The following CELF2 variants were observed in gnomAD, a reference collection of about 807,000 sequenced individuals.
CELF2 encodes CUGBP Elav-like family member 2.
CELF2 carries 8 observed loss-of-function variants against 62.6 expected under a neutral mutation model. The ratio of observed to expected loss-of-function variants is 0.13; its 90% CI spans 0.07 to 0.23. The LOEUF is 0.23. Ranked by LOEUF, CELF2 falls within the 10% of genes least tolerant of loss-of-function variation. CELF2 has a pLI of 1.00. For missense variants in CELF2, 333 were observed against 671.0 expected (o/e 0.50, Z 5.56); for synonymous variants, 258 against 250.0 (o/e 1.03, Z -0.30).
the CELF2 span, among the ~76,000 whole-genome samples, chr10:10,607,728 C>G: frequency 1.3e-3 from 201 of 152,296 alleles, no homozygotes; most frequent in Non-Finnish European, 2.1e-3. Flanking sequence ...CCCAAGATCA[C>G]TAAAAATGAG....
chr10:11,266,459 T>G, intron 5 of CELF2, 139 bp from the exon 6 acceptor site: 1 of 522,664 alleles, frequency 1.9e-6, no homozygotes, highest in Non-Finnish European at 3.4e-6. Flanking sequence ...GAGAGAGAAG[T>G]TGTTTTATTT....
Position 11,160,375 on chromosome 10 carries a change from T to C in CELF2, c.75-5111T>C, listed in dbSNP as rs7899473. Among the ~76,000 whole-genome samples, 1,428 of 152,310 alleles carry C rather than the reference T, an allele frequency of 9.4e-3. 19 individuals are homozygous for C. The highest frequency in any genetic ancestry group is 0.032 in the African/African-American group (1,346 of 41,558). On this transcript the variant is annotated intron_variant, in intron 1 of 12. Transcript: ENST00000633077. ...TGAGGGCCTCAAGCACTGATGGGGCTTTCCTGGCCCCATATTCTTGTGTTT... is the reference window on the plus strand; with the variant it reads ...TGAGGGCCTCAAGCACTGATGGGGCCTTCCTGGCCCCATATTCTTGTGTTT...
chr10:10,617,650 A>G, the CELF2 span, among the ~76,000 whole-genome samples: 1 of 151,860 alleles, frequency 6.6e-6, no homozygotes, highest in Non-Finnish European at 1.5e-5. Flanking sequence ...CAGCCCCCTG[A>G]CTTTCCTCCT....
rs925244444 is a variant in CELF2 at position 11,177,667 on chromosome 10, C to T, written c.271+11985C>T. Among the ~76,000 whole-genome samples, 3 of 152,290 alleles carry T rather than the reference C, an allele frequency of 2.0e-5. No homozygotes were observed. The South Asian group carries it at 6.2e-4, about 32-fold the overall frequency. On this transcript the variant is annotated intron_variant, in intron 2 of 12. Transcript: ENST00000633077. This position sits in a 1 kb window ranked among gnomAD's most constrained non-coding sequence, Gnocchi z 4.8. ...GAAATAGGGGCCTTAGTTTTTAAAT[C>T]CTCTGTAAGATAGTCAAGGCTTCTC...
chr10:11,238,419 T>G (rs1182617839), intron 3 of CELF2, among the ~76,000 whole-genome samples: 11 of 152,238 alleles, frequency 7.2e-5, no homozygotes, highest in Admixed American at 7.2e-4. Flanking sequence ...TTCTTGCTAT[T>G]AAAACATAGA....
At chr10:10,847,665 C>CGT (rs2059104885) in intron 1 of CELF2, among the ~76,000 whole-genome samples, 1 of 152,168 alleles carries the variant, frequency 6.6e-6, no homozygotes, top group Admixed American at 6.5e-5. Context: ...TATGCAAGAG[C>CGT]GTGTTCATTG....
intron 1 of CELF2, among the ~76,000 whole-genome samples, chr10:10,803,167 C>T (rs1421372331): frequency 6.6e-6 from 1 of 152,202 alleles, no homozygotes; most frequent in Non-Finnish European, 1.5e-5. Flanking sequence ...CCCTGCTTCA[C>T]TCTTGCTCTC....
intron 1 of CELF2, among the ~76,000 whole-genome samples, chr10:11,048,025 T>A (rs999119207): frequency 2.0e-5 from 3 of 152,160 alleles, no homozygotes; most frequent in Non-Finnish European, 2.9e-5. Flanking sequence ...TCTCTCCAAA[T>A]GTAAGAATTG....
chr10:10,881,177 C>T (rs1438404955), intron 1 of CELF2, among the ~76,000 whole-genome samples: 1 of 152,148 alleles, frequency 6.6e-6, no homozygotes, highest in Non-Finnish European at 1.5e-5. Context: ...CTTGGACTTG[C>T]CTGCTATGCG....
chr10:11,204,223 G>A (rs1390703818), intron 2 of CELF2, among the ~76,000 whole-genome samples: 1 of 152,196 alleles, frequency 6.6e-6, no homozygotes, highest in African/African-American at 2.4e-5. Context: ...TATTTTCTTT[G>A]TGCCAGATTC....
the CELF2 span, among the ~76,000 whole-genome samples, chr10:10,784,232 G>T: frequency 6.6e-6 from 1 of 152,204 alleles, no homozygotes. Context: ...CAGATGGGCA[G>T]GTGTAGGAGC....
At chr10:10,468,445 G>A in the CELF2 span, among the ~76,000 whole-genome samples, 1 of 151,934 alleles carries the variant, frequency 6.6e-6, no homozygotes, top group Non-Finnish European at 1.5e-5. Context: ...ATTCCTCAAA[G>A]AAATGCTTCA....
chr10:11,232,806 A>G (rs1048091999), intron 3 of CELF2, among the ~76,000 whole-genome samples: 2 of 152,208 alleles, frequency 1.3e-5, no homozygotes, highest in African/African-American at 2.4e-5. Flanking sequence ...GAAAAATGGC[A>G]GAGCATGCTG....
intron 2 of CELF2, among the ~76,000 whole-genome samples, chr10:11,167,626 T>A (rs1200888252): frequency 2.6e-5 from 4 of 152,116 alleles, no homozygotes; most frequent in African/African-American, 4.8e-5. Context: ...ATGAGCAGCA[T>A]TTTTTACCAG....
the CELF2 span, among the ~76,000 whole-genome samples, chr10:10,608,805 C>A: frequency 6.6e-6 from 1 of 152,148 alleles, no homozygotes; most frequent in African/African-American, 2.4e-5. Context: ...TGGAATTCCT[C>A]CGTCGAGAGT....
chr10:11,259,069 A>G (rs189013396), intron 5 of CELF2, among the ~76,000 whole-genome samples: 1 of 152,320 alleles, frequency 6.6e-6, no homozygotes, highest in Non-Finnish European at 1.5e-5. Context: ...TACCAGTGCA[A>G]TTTCTTTGGG....
At chr10:10,761,337 G>A in the CELF2 span, among the ~76,000 whole-genome samples, 1 of 152,194 alleles carries the variant, frequency 6.6e-6, no homozygotes, top group Non-Finnish European at 1.5e-5. Flanking sequence ...ATTATACAAT[G>A]AGTTTTTGAC....
chr10:10,752,427 AC>A, the CELF2 span, among the ~76,000 whole-genome samples: 92 of 152,194 alleles, frequency 6.0e-4, no homozygotes, highest in Non-Finnish European at 7.9e-4. Context: ...ACAGTGGCTC[AC>A]GCCTGTAATC....
rs757211454 is a variant in CELF2, at chr10:11,331,966, G to GGTTTGACTACTTTGTTC, written c.*2914_*2930dup. Reference sequence around the variant, plus strand: ...CTGCATCTATCCTCTAAGTTGTTTCGGTTTGACTACTTTGTTCTTTGGTTA... The same window carrying GGTTTGACTACTTTGTTC: ...CTGCATCTATCCTCTAAGTTGTTTCGGTTTGACTACTTTGTTCGTTTGACTACTTTGTTCTTTGGTTA... On this transcript the variant is annotated 3_prime_UTR_variant, in exon 13 of 13. Coordinates refer to ENST00000633077, the MANE Select transcript of CELF2 (RefSeq NM_001326342.2). 5.3e-5 allele frequency: 8 copies of GGTTTGACTACTTTGTTC among 152,034 alleles called. No homozygotes were observed. Among genetic ancestry groups the GGTTTGACTACTTTGTTC allele is most frequent in the Non-Finnish European group, 8.8e-5 (6 of 67,996 alleles). 9.4% of individuals were successfully genotyped at this position (152,034 alleles called of 1,614,324 possible). A position where few individuals can be genotyped will look rare whatever the true frequency, so the allele number is the denominator to read the frequency against.
Sources: gnomAD v4.1 joint callset for allele counts (sites outside exome capture counted in the v4.1 genomes callset) on GRCh38, gnomAD v4.1.1 for gene constraint, Gnocchi (gnomAD v3.1) non-coding constraint, MANE v1.5 for transcripts, NCBI Gene and HGNC (gene_info 2026-07-23, HGNC 2026-07-21) for gene names.